Variants in CCNT2 observed in about 807,000 individuals in gnomAD.
The protein encoded by CCNT2 is cyclin-T2.
A neutral mutation model predicts 70.0 loss-of-function variants in CCNT2; 18 were observed. The observed-to-expected ratio is 0.26, with a 90% CI of 0.18 to 0.38. CCNT2 has a LOEUF of 0.38. Ranked by LOEUF, CCNT2 falls within the 10% of genes least tolerant of loss-of-function variation. The pLI, the probability that CCNT2 is intolerant of heterozygous loss-of-function variation, is 1.00. For synonymous variants in CCNT2, 334 were observed against 313.3 expected (o/e 1.07, Z -0.70); for missense variants, 734 against 890.2 (o/e 0.82, Z 2.23).
chr2:134,921,601 G>A (rs1327390564), intron 2 of CCNT2, among the ~76,000 whole-genome samples: 1 of 152,114 alleles, frequency 6.6e-6, no homozygotes, highest in Non-Finnish European at 1.5e-5. Flanking sequence ...TGATCCGTCC[G>A]CCTCGGCCTC....
At chr2:134,936,310 T>C (rs1431630305) in intron 2 of CCNT2, among the ~76,000 whole-genome samples, 1 of 152,184 alleles carries the variant, frequency 6.6e-6, no homozygotes, top group Non-Finnish European at 1.5e-5. Flanking sequence ...CTTTGTTCTA[T>C]GTGCAAAACG....
At chr2:134,942,733 A>T (rs1681666174) in intron 5 of CCNT2, 59 bp downstream of exon 5, 10 of 1,470,994 alleles carry the variant, frequency 6.8e-6, no homozygotes, top group Non-Finnish European at 9.2e-6. Context: ...TCTGTAATTG[A>T]TTTGGGTGCT....
chr2:134,920,015 G>C, intron 2 of CCNT2, 124 bp downstream of exon 2: 2 of 600,732 alleles, frequency 3.3e-6, no homozygotes, highest in Non-Finnish European at 2.9e-6. Context: ...TATATCACGT[G>C]ATAAATATTT....
In CCNT2 at chr2:134,942,592, A is replaced by G. The variant is rs1326774742; in HGVS notation, c.431-20A>G. The G allele has an allele frequency of 1.2e-6, 2 of 1,603,520 alleles. No homozygotes were observed. The highest frequency in any genetic ancestry group is 1.7e-6 in the Non-Finnish European group (2 of 1,173,430). ...ACTGTAGTGGTAAGAGATTGGAAAA[A>G]AAAGTGCTTATCATTTCAGGTTTTG... On this transcript the variant is annotated intron_variant, in intron 4 of 8. Coordinates refer to ENST00000264157, the MANE Select transcript of CCNT2 (RefSeq NM_058241.3).
intron 2 of CCNT2, among the ~76,000 whole-genome samples, chr2:134,927,240 A>G (rs936431680): frequency 6.6e-6 from 1 of 152,230 alleles, no homozygotes; most frequent in South Asian, 2.1e-4. Flanking sequence ...AATTACAGGG[A>G]TACTGACTTC....
rs141328070 is a variant in CCNT2 at position 134,923,307 on chromosome 2, A to G, written c.240+3416A>G. ...AAAAACAATAATAATAATAATAAAA[A>G]TAAATAAATTTTGCTTTTTCTCCTG... On this transcript the variant is annotated intron_variant, in intron 2 of 8. Transcript: ENST00000264157. Among the ~76,000 whole-genome samples the G allele has an allele frequency of 5.8e-4, 88 of 152,198 alleles. No individual in the cohort carries two copies. In the East Asian group the frequency reaches 0.012, roughly 20 times the overall value.
rs539766504 is a variant in CCNT2 at position 134,951,037 on chromosome 2, CT to C, written c.704-1593del. Among the ~76,000 whole-genome samples, 54 of 139,202 alleles carry C rather than the reference CT, an allele frequency of 3.9e-4. 1 individual carries two copies. The highest frequency in any genetic ancestry group is 1.1e-3 in the Admixed American group (15 of 13,936). The allele number at this position is 139,202 out of a possible 152,430, so 91.3% of individuals were successfully genotyped here. On this transcript the variant is annotated intron_variant, in intron 7 of 8. Coordinates refer to ENST00000264157, the MANE Select transcript of CCNT2 (RefSeq NM_058241.3). ...TTGGACCCAAAAGTAGAAAAATAGTCTTTTTTTTTTTCTTTTTTTTTCAAAT... is the reference window on the plus strand; with the variant it reads ...TTGGACCCAAAAGTAGAAAAATAGTCTTTTTTTTTTCTTTTTTTTTCAAAT...
At chr2:134,925,908 C>T (rs1281858567) in intron 2 of CCNT2, among the ~76,000 whole-genome samples, 3 of 146,042 alleles carry the variant, frequency 2.1e-5, no homozygotes, top group Non-Finnish European at 3.0e-5. Context: ...CTCTGACACC[C>T]GGGCTGGAGT....
intron 2 of CCNT2, among the ~76,000 whole-genome samples, chr2:134,931,042 G>A (rs575186181): frequency 1.4e-4 from 21 of 150,690 alleles, no homozygotes; most frequent in Non-Finnish European, 2.4e-4. Flanking sequence ...GGCTCACTGC[G>A]TGCTCCACCT....
chr2:134,953,463 A>G lies in CCNT2; in HGVS notation c.1008A>G (p.Thr336=). ...CTGATAATTTGTCAATGCTAGCAAC[A>G]GGAATGCCAAGTACTTCATACGGTT... ...HTSDNLSMLA[T]GMPSTSYGLS... Residue 336 remains threonine, a synonymous_variant, in exon 9 of 9, where the codon ACA becomes ACG. Coordinates refer to ENST00000264157, the MANE Select transcript of CCNT2 (RefSeq NM_058241.3). 1 of 1,614,094 alleles carries G rather than the reference A, an allele frequency of 6.2e-7. No individual in the cohort carries two copies. The highest frequency in any genetic ancestry group is 8.5e-7 in the Non-Finnish European group (1 of 1,179,944).
intron 7 of CCNT2, 25 bp from the exon 8 acceptor site, chr2:134,952,615 GT>G (rs767291883): frequency 6.9e-7 from 1 of 1,446,462 alleles, no homozygotes; most frequent in African/African-American, 1.4e-5. Context: ...CACCTTCTAA[GT>G]TTCAAATTTA....
At chr2:134,923,398 T>C (rs998584814) in intron 2 of CCNT2, among the ~76,000 whole-genome samples, 2 of 152,252 alleles carry the variant, frequency 1.3e-5, no homozygotes, top group East Asian at 1.9e-4. Flanking sequence ...TATGTTTCAT[T>C]GTGAAGTCTA....
At chr2:134,944,566 C>A (rs16831173) in intron 5 of CCNT2, 192,396 of 970,348 alleles carry the variant, frequency 0.2, 20,023 homozygotes, top group East Asian at 0.4. Flanking sequence ...ACAAAAACTA[C>A]AAATTTGATA....
rs1451839498 is a variant in CCNT2, at chr2:134,946,153, A to C, written c.539+7A>C. ...ATTTCATGGCTACCAACAGGTTGTTATCCTGACCCTCTTTGTTGCACTGTT... is the reference window on the plus strand; with the variant it reads ...ATTTCATGGCTACCAACAGGTTGTTCTCCTGACCCTCTTTGTTGCACTGTT... On this transcript the variant is annotated splice_region_variant and intron_variant, in intron 6 of 8. Coordinates refer to ENST00000264157, the MANE Select transcript of CCNT2 (RefSeq NM_058241.3). 1 of 1,610,768 alleles carries C rather than the reference A, an allele frequency of 6.2e-7. No homozygotes were observed. Among genetic ancestry groups the C allele is most frequent in the Non-Finnish European group, 8.5e-7 (1 of 1,179,494 alleles).
intron 2 of CCNT2, chr2:134,920,149 T>G: frequency 3.1e-6 from 1 of 318,792 alleles, no homozygotes; most frequent in Non-Finnish European, 5.8e-6. Context: ...ACAGAGTTAT[T>G]ACATAGGTTT....
At position 134,932,292 on chromosome 2, in the gene CCNT2, C is replaced by T. The variant is rs182890371; in HGVS notation, c.241-4549C>T. On this transcript the variant is annotated intron_variant, in intron 2 of 8. Transcript: ENST00000264157. Reference sequence around the variant, plus strand: ...CTGGGATTACAGGCATGAGCCACCACGCTCGGCTGATATTTTTTCTTTTTT... The same window carrying T: ...CTGGGATTACAGGCATGAGCCACCATGCTCGGCTGATATTTTTTCTTTTTT... Among the ~76,000 whole-genome samples the T allele has an allele frequency of 3.9e-4, 59 of 152,294 alleles. 2 individuals carry two copies. The highest frequency in any genetic ancestry group is 3.9e-3 in the Admixed American group (59 of 15,290).
chr2:134,920,031 C>T, intron 2 of CCNT2, 140 bp downstream of exon 2: 1 of 556,868 alleles, frequency 1.8e-6, no homozygotes, highest in Admixed American at 3.6e-5. Flanking sequence ...TATTTTGCTT[C>T]AGATGCGGTG....
chr2:134,954,642 C>T lies in CCNT2; in HGVS notation c.2187C>T (p.Asn729=), dbSNP rs775436813. 6.9e-6 allele frequency: 11 copies of T among 1,587,158 alleles called. No homozygotes were observed. The highest frequency in any genetic ancestry group is 8.6e-6 in the Non-Finnish European group (10 of 1,159,784). The change falls in exon 9 of 9, where the codon AAC becomes AAT. Residue 729 remains asparagine (N), a synonymous_variant. Coordinates refer to ENST00000264157, the MANE Select transcript of CCNT2 (RefSeq NM_058241.3). ...CACTGTTAAGTGCCCAAGGAATGAA[C>T]ATGTAATAATTTGTTTAGGTCAATT... ...LDSLLSAQGM[N]M is the part of the protein sequence containing the mutation.
rs773607865 is a variant in CCNT2 at position 134,954,186 on chromosome 2, C to T, written c.1731C>T (p.His577=). The part of the protein sequence containing the change: ...RHHTSSHKHS[H]SHSGSSSGGS... Reference sequence around the variant, plus strand: ...ACACCAGCAGCCACAAGCATTCCCACTCGCATAGTGGCAGCAGCAGCGGTG... The same window carrying T: ...ACACCAGCAGCCACAAGCATTCCCATTCGCATAGTGGCAGCAGCAGCGGTG... The change falls in exon 9 of 9, where the codon CAC becomes CAT. Residue 577 remains histidine (H), a synonymous_variant. Coordinates refer to ENST00000264157, the MANE Select transcript of CCNT2 (RefSeq NM_058241.3). The T allele has an allele frequency of 3.1e-6, 5 of 1,614,178 alleles. No homozygotes were observed. Among genetic ancestry groups the T allele is most frequent in the South Asian group, 2.2e-5 (2 of 91,076 alleles).
Sources: gnomAD v4.1 joint callset for allele counts (sites outside exome capture counted in the v4.1 genomes callset) on GRCh38, gnomAD v4.1.1 for gene constraint, MANE v1.5 for transcripts, NCBI Gene and HGNC (gene_info 2026-07-23, HGNC 2026-07-21) for gene names.